SGMS1: variants seen among roughly 807,000 people sequenced by gnomAD.
SGMS1 encodes the protein sphingomyelin synthase 1.
SGMS1 carries 13 observed loss-of-function variants against 46.2 expected under a neutral mutation model. The ratio of observed to expected loss-of-function variants is 0.28; its 90% CI spans 0.18 to 0.45. The LOEUF is 0.45. Among genes scored for constraint, SGMS1 ranks in the 20% least tolerant of loss-of-function variants. The pLI, the probability that SGMS1 is intolerant of heterozygous loss-of-function variation, is 1.00. For missense variants in SGMS1, 324 were observed against 519.9 expected, an observed-to-expected ratio of 0.62 and a Z score of 3.66; for synonymous variants, 203 against 187.8, an observed-to-expected ratio of 1.08 and a Z score of -0.66.
chr10:50,538,674 G>C (rs56403030), intron 2 of SGMS1, among the ~76,000 whole-genome samples: 1 of 152,024 alleles, frequency 6.6e-6, no homozygotes, highest in Admixed American at 6.5e-5. Context: ...GGAGAGGGAT[G>C]ACACCATTCC....
chr10:50,454,604 A>G (rs1021829250), intron 5 of SGMS1, among the ~76,000 whole-genome samples: 1 of 152,176 alleles, frequency 6.6e-6, no homozygotes, highest in African/African-American at 2.4e-5. Context: ...TATGAGCAAT[A>G]TATCACAATT....
At position 50,511,866 on chromosome 10, in the gene SGMS1, A is replaced by T. The variant is rs144761936; in HGVS notation, c.-498+7965T>A. On this transcript the variant is annotated intron_variant, in intron 3 of 10. Coordinates refer to ENST00000361781, the MANE Select transcript of SGMS1 (RefSeq NM_147156.4). Reference sequence around the variant, plus strand: ...CCTCTTCCCTTCTAACCTGTACATAATTTTGTCATTAATCTCTAATGCTAT... The same window carrying T: ...CCTCTTCCCTTCTAACCTGTACATATTTTTGTCATTAATCTCTAATGCTAT... 1.3e-3 allele frequency among the ~76,000 whole-genome samples: 203 copies of T among 152,084 alleles called. 2 individuals carry two copies. Among genetic ancestry groups the T allele is most frequent in the African/African-American group, 4.8e-3 (198 of 41,486 alleles).
chr10:50,587,508 C>G (rs1838495489), intron 2 of SGMS1, among the ~76,000 whole-genome samples: 1 of 152,154 alleles, frequency 6.6e-6, no homozygotes, highest in Non-Finnish European at 1.5e-5. Context: ...TGGCACGCAC[C>G]TGTAATCCCA....
At chr10:50,504,224 C>T (rs1837686009) in intron 3 of SGMS1, among the ~76,000 whole-genome samples, 1 of 152,186 alleles carries the variant, frequency 6.6e-6, no homozygotes, top group African/African-American at 2.4e-5. Context: ...CCTCACTAGG[C>T]TCCCAGGCCC....
At chr10:50,509,854 C>A (rs777046363) in intron 3 of SGMS1, among the ~76,000 whole-genome samples, 10 of 152,300 alleles carry the variant, frequency 6.6e-5, no homozygotes, top group South Asian at 4.1e-4. Flanking sequence ...CAAAGTGCAT[C>A]ATCAATTATT....
chr10:50,469,432 G>A (rs956425973), intron 3 of SGMS1, among the ~76,000 whole-genome samples: 2 of 152,158 alleles, frequency 1.3e-5, no homozygotes, highest in Non-Finnish European at 2.9e-5. Flanking sequence ...GGAATGCATA[G>A]TAAAAGCTGC....
intron 5 of SGMS1, among the ~76,000 whole-genome samples, chr10:50,455,800 C>T (rs917899993): frequency 5.9e-5 from 9 of 152,176 alleles, no homozygotes; most frequent in Non-Finnish European, 1.3e-4. Context: ...ACTGGGTAAT[C>T]CACATGAACG....
At chr10:50,463,509 A>C (rs1459957740) in intron 4 of SGMS1, among the ~76,000 whole-genome samples, 2 of 152,204 alleles carry the variant, frequency 1.3e-5, no homozygotes, top group Non-Finnish European at 1.5e-5. Flanking sequence ...TCAAAAACAA[A>C]AATAGAAAAT....
At chr10:50,422,954 G>A (rs779441264) in intron 6 of SGMS1, among the ~76,000 whole-genome samples, 1 of 152,192 alleles carries the variant, frequency 6.6e-6, no homozygotes, top group East Asian at 1.9e-4. Flanking sequence ...CACTACCACT[G>A]TTCTCAAAAG....
chr10:50,360,240 A>G (rs1172027761), intron 6 of SGMS1, among the ~76,000 whole-genome samples: 2 of 152,222 alleles, frequency 1.3e-5, no homozygotes, highest in Non-Finnish European at 2.9e-5. Context: ...CCACCAAAAA[A>G]GATGAAGCTG....
At chr10:50,532,401 A>G (rs1163784332) in intron 2 of SGMS1, among the ~76,000 whole-genome samples, 2 of 152,120 alleles carry the variant, frequency 1.3e-5, no homozygotes, top group African/African-American at 4.8e-5. Context: ...ACTTGTTTGC[A>G]TCAATTTTTC....
At chr10:50,392,616 C>G (rs1848789723) in intron 6 of SGMS1, among the ~76,000 whole-genome samples, 1 of 152,154 alleles carries the variant, frequency 6.6e-6, no homozygotes, top group Non-Finnish European at 1.5e-5. Flanking sequence ...AGAAAGTGTA[C>G]CTTCATAACA....
intron 4 of SGMS1, among the ~76,000 whole-genome samples, chr10:50,464,202 A>G (rs1837302390): frequency 6.6e-6 from 1 of 152,196 alleles, no homozygotes; most frequent in African/African-American, 2.4e-5. Context: ...CAAACAAGAG[A>G]TTATCCTGGA....
At chr10:50,366,553 A>C (rs985243456) in intron 6 of SGMS1, among the ~76,000 whole-genome samples, 3 of 151,984 alleles carry the variant, frequency 2.0e-5, no homozygotes, top group African/African-American at 7.3e-5. Flanking sequence ...AACCAACCCA[A>C]ATGTCCAACA....
At chr10:50,493,712 A>C (rs1281810566) in intron 3 of SGMS1, among the ~76,000 whole-genome samples, 2 of 152,218 alleles carry the variant, frequency 1.3e-5, no homozygotes, top group Admixed American at 6.5e-5. Context: ...TATGAAAAAA[A>C]AAAACTCAAC....
At chr10:50,598,125 G>T (rs541559840) in intron 1 of SGMS1, among the ~76,000 whole-genome samples, 133 of 136,906 alleles carry the variant, frequency 9.7e-4, no homozygotes, top group South Asian at 3.7e-3. Flanking sequence ...CTAGTCCCCA[G>T]TGTGACGGTA....
At chr10:50,595,812 C>G (rs1838586425) in intron 1 of SGMS1, among the ~76,000 whole-genome samples, 1 of 152,160 alleles carries the variant, frequency 6.6e-6, no homozygotes, top group Non-Finnish European at 1.5e-5. Flanking sequence ...AGCTTTCATG[C>G]CCCCATCACA....
intron 5 of SGMS1, among the ~76,000 whole-genome samples, chr10:50,444,743 G>C (rs565809749): frequency 3.9e-4 from 60 of 151,940 alleles, no homozygotes; most frequent in African/African-American, 1.4e-3. Context: ...AAAATACTTT[G>C]AGAGAGGTCA....
chr10:50,425,598 A>G (rs1176592162), intron 6 of SGMS1, among the ~76,000 whole-genome samples: 2 of 143,554 alleles, frequency 1.4e-5, no homozygotes, highest in Non-Finnish European at 2.9e-5. Context: ...ATTACTAGAC[A>G]GGGGAGGGAG....
Sources: allele counts gnomAD v4.1 joint callset (sites outside exome capture counted in the v4.1 genomes callset), GRCh38; gene constraint gnomAD v4.1.1; transcripts MANE v1.5; gene names NCBI Gene and HGNC (gene_info 2026-07-23, HGNC 2026-07-21).